CUZD1: variants seen among roughly 807,000 people sequenced by gnomAD.
CUZD1 encodes CUB and zona pellucida-like domain-containing protein 1.
A neutral mutation model predicts 53.1 loss-of-function variants in CUZD1; 42 were observed. That is an observed-to-expected ratio of 0.79 (90% CI 0.62 to 1.02). The LOEUF (loss-of-function observed/expected upper bound fraction) is 1.02, where lower values mean the gene tolerates loss of function less well. CUZD1 is among the 50% of genes least tolerant of loss of function. CUZD1 has a pLI of 0.00. For missense variants in CUZD1, 670 were observed against 715.7 expected (o/e 0.94, Z 0.73); for synonymous variants, 238 against 257.2 (o/e 0.93, Z 0.71).
intron 6 of CUZD1, among the ~76,000 whole-genome samples, chr10:122,835,335 T>C (rs907049438): frequency 2.0e-5 from 3 of 152,176 alleles, no homozygotes; most frequent in African/African-American, 7.2e-5. Flanking sequence ...ATCAGACAAT[T>C]TTTTTCAGTT....
rs143588881 is a variant in CUZD1, at chr10:122,839,912, AC to A, written c.234-682del. Among the ~76,000 whole-genome samples the A allele has an allele frequency of 8.3e-3, 1,267 of 152,272 alleles. 13 individuals carry two copies. The highest frequency in any genetic ancestry group is 0.029 in the African/African-American group (1,191 of 41,542). On this transcript the variant is annotated intron_variant, in intron 2 of 8. Coordinates refer to ENST00000392790, the MANE Select transcript of CUZD1 (RefSeq NM_022034.6). ...TGTATAACTTTAGATAAGTGATTTA[AC>A]CTTTCTTGGCTTCAGTTTTCTCATC...
At chr10:122,844,039 G>A (rs1847392338) in intron 1 of CUZD1, among the ~76,000 whole-genome samples, 1 of 149,656 alleles carries the variant, frequency 6.7e-6, no homozygotes, top group African/African-American at 2.5e-5. Flanking sequence ...TATATATAGA[G>A]AGAGGGACAG....
At position 122,833,665 on chromosome 10, in the gene CUZD1, T is replaced by A. The variant is rs1379112543; in HGVS notation, c.1651+7A>T. 3 of 1,611,450 alleles carry A rather than the reference T, an allele frequency of 1.9e-6. No individual in the cohort carries two copies. The highest frequency in any genetic ancestry group is 2.5e-6 in the Non-Finnish European group (3 of 1,178,486). On this transcript the variant is annotated splice_region_variant and intron_variant, in intron 8 of 8. Coordinates refer to ENST00000392790, the MANE Select transcript of CUZD1 (RefSeq NM_022034.6). ...GCTTTTGGATCATGGAATAGCTTTT[T>A]TCTTACCTGAATTGCCACTTGCACT... is the stretch of plus-strand genomic sequence containing the variant.
chr10:122,837,047 G>A lies in CUZD1; in HGVS notation c.601C>T (p.Leu201=), dbSNP rs1478491154. The A allele has an allele frequency of 6.2e-7, 1 of 1,605,452 alleles. No individual in the cohort carries two copies. The highest frequency in any genetic ancestry group is 8.5e-7 in the Non-Finnish European group (1 of 1,173,378). ...AATTTGCACTGTTTGTCTATTTCTA[G>A]GCTAGAGAATGAGGGCCTCTGGTGA... ...KIKLNFKEIF[L]EIDKQCKFDF... Residue 201 remains leucine (L), a splice_region_variant and synonymous_variant, in exon 5 of 9, where the codon CTA becomes TTA. Transcript: ENST00000392790.
intron 1 of CUZD1, among the ~76,000 whole-genome samples, chr10:122,841,726 A>G (rs958651980): frequency 1.3e-5 from 2 of 152,176 alleles, no homozygotes; most frequent in African/African-American, 4.8e-5. Context: ...TCACAATCCA[A>G]CCAATGATGT....
chr10:122,845,715 G>C, intron 1 of CUZD1, 47 bp downstream of exon 1: 1 of 1,565,588 alleles, frequency 6.4e-7, no homozygotes, highest in African/African-American at 1.4e-5. Context: ...CCTCTTAAGA[G>C]AAGAACTTCT....
chr10:122,842,724 C>G (rs996637321), intron 1 of CUZD1, among the ~76,000 whole-genome samples: 2 of 152,160 alleles, frequency 1.3e-5, no homozygotes, highest in Non-Finnish European at 2.9e-5. Flanking sequence ...TTAAAAGACA[C>G]TTGATTTCTA....
In CUZD1 at chr10:122,836,206, G is replaced by C. The variant is rs1229654921; in HGVS notation, c.962C>G (p.Pro321Arg). Residue 321 changes from proline to arginine, a missense_variant, in exon 6 of 9, where the codon CCT becomes CGT. Physicochemically the swap from Pro to Arg is moderately radical, Grantham distance 103. Coordinates refer to ENST00000392790, the MANE Select transcript of CUZD1 (RefSeq NM_022034.6). ...TCTGATTGTACCACATCCATTAAGA[G>C]GGACAGAAAATTCCACAACATTTGA... ...KLSNVVEFSV[P>R]LNGCGTIRKV... 3 of 1,607,314 alleles carry C rather than the reference G, an allele frequency of 1.9e-6. No homozygotes were observed. Among genetic ancestry groups the C allele is most frequent in the South Asian group, 2.2e-5 (2 of 89,244 alleles).
At position 122,833,834 on chromosome 10, in the gene CUZD1, G is replaced by A. The variant is rs148498055; in HGVS notation, c.1489C>T (p.Gln497Ter). The change falls in exon 8 of 9, where the codon CAG becomes TAG. Residue 497 changes from glutamine (Q) to a stop codon, truncating the protein, a stop_gained. Transcript: ENST00000392790. LOFTEE classifies it high-confidence loss of function. ...CTATCACATATCAAAACTTTACACT[G>A]CAGATACACAGAGCTCATACTTCTC... ...FLRSMSSVYL[Q>*]CKVLICDSSD... 7.4e-6 allele frequency: 12 copies of A among 1,614,006 alleles called. No homozygotes were observed. Among genetic ancestry groups the A allele is most frequent in the African/African-American group, 2.7e-5 (2 of 75,008 alleles).
chr10:122,845,718 G>A, intron 1 of CUZD1, 44 bp downstream of exon 1: 1 of 1,572,020 alleles, frequency 6.4e-7, no homozygotes, highest in Non-Finnish European at 8.7e-7. Context: ...CTTAAGAGAA[G>A]AACTTCTCTG....
At chr10:122,843,953 A>G (rs936449262) in intron 1 of CUZD1, among the ~76,000 whole-genome samples, 3 of 147,966 alleles carry the variant, frequency 2.0e-5, no homozygotes, top group African/African-American at 4.9e-5. Flanking sequence ...TAGAGACTAT[A>G]TATATAGACT....
intron 1 of CUZD1, among the ~76,000 whole-genome samples, chr10:122,842,669 A>C (rs760921549): frequency 3.3e-5 from 5 of 152,188 alleles, no homozygotes; most frequent in Non-Finnish European, 5.9e-5. Flanking sequence ...TTGTATTGGA[A>C]TTGCACTGAA....
intron 1 of CUZD1, among the ~76,000 whole-genome samples, chr10:122,843,376 T>C (rs1320516820): frequency 6.6e-6 from 1 of 152,124 alleles, no homozygotes; most frequent in Non-Finnish European, 1.5e-5. Flanking sequence ...AGTGTTTGCA[T>C]GTGACCTACA....
intron 1 of CUZD1, among the ~76,000 whole-genome samples, chr10:122,842,221 C>T (rs1847355407): frequency 6.6e-6 from 1 of 152,126 alleles, no homozygotes; most frequent in African/African-American, 2.4e-5. Context: ...AGATTTCTCC[C>T]ATGTTTTCTT....
chr10:122,843,073 A>C (rs1215867923), intron 1 of CUZD1, among the ~76,000 whole-genome samples: 1 of 152,248 alleles, frequency 6.6e-6, no homozygotes, highest in Non-Finnish European at 1.5e-5. Context: ...AAGAGTAAAC[A>C]TACAGTTATC....
rs939942740 is a variant in CUZD1 at position 122,832,789 on chromosome 10, GA to G, written c.1652-340del. 3.1e-3 allele frequency among the ~76,000 whole-genome samples: 466 copies of G among 148,894 alleles called. 5 individuals are homozygous for G. Among genetic ancestry groups the G allele is most frequent in the African/African-American group, 0.011 (441 of 40,752 alleles). On this transcript the variant is annotated intron_variant, in intron 8 of 8. Coordinates refer to ENST00000392790, the MANE Select transcript of CUZD1 (RefSeq NM_022034.6). The stretch of plus-strand genomic sequence containing the variant: ...GTTGCCAAAATACATTTTGTCAACA[GA>G]AAAAAAAAATTTGTTCATTCCCTTG...
intron 3 of CUZD1, 181 bp from the exon 4 acceptor site, chr10:122,837,735 A>G (rs936630418): frequency 7.6e-6 from 4 of 528,336 alleles, no homozygotes; most frequent in Non-Finnish European, 1.3e-5. Flanking sequence ...CCACTGGTGC[A>G]GGGCAGAGAG....
At position 122,839,145 on chromosome 10, in the gene CUZD1, C is replaced by T. The variant is rs1243889089; in HGVS notation, c.320G>A (p.Cys107Tyr). ...TACAGGAACATAGTCGTTTTTACTG[C>T]AGACTTGCCCTAGCAGAGGCCCATT... is the stretch of plus-strand genomic sequence containing the variant. ...SSNGPLLGQVCSKNDYVPVFE... is the reference protein window; with the variant it reads ...SSNGPLLGQVYSKNDYVPVFE... Residue 107 changes from cysteine (C) to tyrosine (Y), a missense_variant, in exon 3 of 9, where the codon TGC (cysteine) becomes TAC (tyrosine). Physicochemically the swap from Cys to Tyr is radical, Grantham distance 194 (BLOSUM62 -2). Transcript: ENST00000392790. The T allele has an allele frequency of 1.2e-6, 2 of 1,614,048 alleles. No homozygotes were observed. Among genetic ancestry groups the T allele is most frequent in the Non-Finnish European group, 1.7e-6 (2 of 1,179,998 alleles).
chr10:122,834,681 A>G, intron 7 of CUZD1, 25 bp downstream of exon 7: 4 of 1,529,512 alleles, frequency 2.6e-6, no homozygotes, highest in Non-Finnish European at 2.6e-6. Flanking sequence ...AATATCATAC[A>G]TACATCAGTT....
Sources: allele counts gnomAD v4.1 joint callset (sites outside exome capture counted in the v4.1 genomes callset), GRCh38; gene constraint gnomAD v4.1.1; transcripts MANE v1.5; gene names NCBI Gene and HGNC (gene_info 2026-07-23, HGNC 2026-07-21).